Variants in TRPM3 observed in about 807,000 individuals in gnomAD.
The protein encoded by TRPM3 is long transient receptor potential channel 3.
A neutral mutation model predicts 181.2 loss-of-function variants in TRPM3; 77 were observed. The ratio of observed to expected loss-of-function variants is 0.42; its 90% CI spans 0.35 to 0.51. The LOEUF (loss-of-function observed/expected upper bound fraction) is 0.51. Ranked by LOEUF, TRPM3 falls within the 20% of genes least tolerant of loss-of-function variation. The pLI, the probability that TRPM3 is intolerant of heterozygous loss-of-function variation, is 0.01. For synonymous variants in TRPM3, 745 were observed against 796.4 expected (o/e 0.94, Z 1.09); for missense variants, 1,759 against 2,196.7 (o/e 0.80, Z 3.98).
At chr9:71,329,535 T>C (rs1002372813) in intron 1 of TRPM3, among the ~76,000 whole-genome samples, 10 of 152,222 alleles carry the variant, frequency 6.6e-5, no homozygotes, top group Non-Finnish European at 1.3e-4. Context: ...TTATGCTTTA[T>C]AAATTGGAGA....
intron 1 of TRPM3, among the ~76,000 whole-genome samples, chr9:70,882,829 T>C (rs2132713335): frequency 6.6e-6 from 1 of 152,296 alleles, no homozygotes; most frequent in East Asian, 1.9e-4. Context: ...CAAGTGACTG[T>C]GCAAGGATGC....
chr9:71,080,636 C>T (rs1169053040), intron 1 of TRPM3, among the ~76,000 whole-genome samples: 1 of 152,088 alleles, frequency 6.6e-6, no homozygotes, highest in East Asian at 1.9e-4. Context: ...TGGTCATCCC[C>T]AACTCCAACT....
intron 1 of TRPM3, among the ~76,000 whole-genome samples, chr9:71,098,725 T>C (rs1411251570): frequency 1.3e-5 from 2 of 152,166 alleles, no homozygotes; most frequent in African/African-American, 4.8e-5. Flanking sequence ...ATGGATATAA[T>C]TGTAGCATAA....
At chr9:70,846,618 G>C in intron 3 of TRPM3, 27 bp from the exon 4 acceptor site, 1 of 1,599,036 alleles carries the variant, frequency 6.3e-7, no homozygotes, top group South Asian at 1.1e-5. Flanking sequence ...CATCAATTAG[G>C]GAGACAAGGC....
intron 9 of TRPM3, among the ~76,000 whole-genome samples, chr9:70,658,007 T>C (rs539482646): frequency 1.1e-4 from 17 of 152,284 alleles, no homozygotes; most frequent in Admixed American, 1.0e-3. Context: ...GGCCCCTATA[T>C]CAGATTAACA....
chr9:70,662,693 A>C (rs1473414364), intron 9 of TRPM3, among the ~76,000 whole-genome samples: 1 of 152,210 alleles, frequency 6.6e-6, no homozygotes, highest in African/African-American at 2.4e-5. Context: ...ACAGTGAGAC[A>C]CCAGCTTACT....
chr9:70,918,255 G>T (rs1195226594), intron 1 of TRPM3, among the ~76,000 whole-genome samples: 2 of 152,164 alleles, frequency 1.3e-5, no homozygotes, highest in African/African-American at 4.8e-5. Context: ...ACTTAGTTCT[G>T]CACTATAGAC....
chr9:71,391,130 G>A (rs12351739), intron 1 of TRPM3, among the ~76,000 whole-genome samples: 66,988 of 151,376 alleles, frequency 0.44, 14,940 homozygotes, highest in South Asian at 0.54. Context: ...TAAGACCACC[G>A]CTGCCTGAAC....
At chr9:70,590,562 C>A (rs2057942507) in intron 22 of TRPM3, among the ~76,000 whole-genome samples, 1 of 152,144 alleles carries the variant, frequency 6.6e-6, no homozygotes, top group South Asian at 2.1e-4. Flanking sequence ...AAGAAAAATA[C>A]CATGCAGATG....
At chr9:71,267,493 A>G (rs1294683447) in intron 1 of TRPM3, among the ~76,000 whole-genome samples, 3 of 152,034 alleles carry the variant, frequency 2.0e-5, no homozygotes, top group Admixed American at 2.0e-4. Flanking sequence ...TATTTCTCTA[A>G]GTACTTTGGG....
chr9:71,409,959 C>G (rs1249328258), intron 1 of TRPM3, among the ~76,000 whole-genome samples: 1 of 152,176 alleles, frequency 6.6e-6, no homozygotes, highest in Non-Finnish European at 1.5e-5. Context: ...AAAACTCACT[C>G]AAAACTGCAC....
At chr9:71,140,247 T>C (rs770682284) in intron 1 of TRPM3, among the ~76,000 whole-genome samples, 14 of 152,178 alleles carry the variant, frequency 9.2e-5, no homozygotes, top group Non-Finnish European at 1.8e-4. Flanking sequence ...TAAGCAGATA[T>C]AGGAAGCAAA....
intron 1 of TRPM3, among the ~76,000 whole-genome samples, chr9:71,222,870 A>T (rs2080324174): frequency 6.6e-6 from 1 of 152,164 alleles, no homozygotes; most frequent in Admixed American, 6.5e-5. Context: ...GCCAGAGAGG[A>T]ATTGCCCATG....
At chr9:70,551,798 G>A (rs1006735520) in intron 24 of TRPM3, among the ~76,000 whole-genome samples, 3 of 152,144 alleles carry the variant, frequency 2.0e-5, no homozygotes, top group African/African-American at 7.2e-5. Context: ...GAAGCTTAGG[G>A]TTTATTTCAT....
At chr9:70,978,770 G>A (rs915634601) in intron 1 of TRPM3, among the ~76,000 whole-genome samples, 3 of 152,288 alleles carry the variant, frequency 2.0e-5, no homozygotes, top group South Asian at 4.1e-4. Context: ...TGTTTTATGT[G>A]GGGAAGTGGG....
intron 1 of TRPM3, among the ~76,000 whole-genome samples, chr9:70,935,178 C>T (rs541293733): frequency 1.3e-5 from 2 of 152,162 alleles, no homozygotes; most frequent in African/African-American, 4.8e-5. Flanking sequence ...CTTCTCTGGG[C>T]AGTTGTTTTT....
chr9:70,697,686 T>C (rs1033116563), intron 8 of TRPM3, among the ~76,000 whole-genome samples: 1 of 152,206 alleles, frequency 6.6e-6, no homozygotes, highest in Non-Finnish European at 1.5e-5. Context: ...CTGTTGCATG[T>C]CACATGTAAA....
chr9:71,373,536 A>C (rs1588714187), intron 1 of TRPM3, among the ~76,000 whole-genome samples: 1 of 152,114 alleles, frequency 6.6e-6, no homozygotes, highest in South Asian at 2.1e-4. Context: ...TGAAGAAATG[A>C]ATAAATTCCT....
intron 1 of TRPM3, among the ~76,000 whole-genome samples, chr9:71,383,685 G>T (rs778244148): frequency 3.3e-5 from 5 of 152,042 alleles, no homozygotes; most frequent in Admixed American, 6.5e-5. Context: ...GCTTTTCCCT[G>T]CTTATAGTTT....
Sources: allele counts gnomAD v4.1 joint callset (sites outside exome capture counted in the v4.1 genomes callset), GRCh38; gene constraint gnomAD v4.1.1; transcripts MANE v1.5; gene names NCBI Gene and HGNC (gene_info 2026-07-23, HGNC 2026-07-21).